EXD3: variants seen among roughly 807,000 people sequenced by gnomAD.
EXD3 encodes exonuclease mut-7 homolog.
Under a neutral mutation model 98.0 loss-of-function variants are expected in EXD3, and 92 were observed. That is an observed-to-expected ratio of 0.94 (90% CI 0.79 to 1.12). The LOEUF is 1.12. Among genes scored for constraint, EXD3 ranks in the 50% most tolerant of loss-of-function variants. The probability of loss-of-function intolerance (pLI) is 0.00; values close to 1 mark genes in which losing one functional copy is unlikely to be tolerated. For synonymous variants in EXD3, 569 were observed against 526.0 expected (o/e 1.08, Z -1.12); for missense variants, 1,222 against 1,191.6 (o/e 1.03, Z -0.38).
At position 137,422,731 on chromosome 9, in the gene EXD3, G is replaced by A. The variant is rs1003241910; in HGVS notation, c.-48+383C>T. ...AGGCGCCCGTCCCTTCTCCCGGGGA[G>A]GGCAGGGCGGGCGCGCGCGCGTCCC... On this transcript the variant is annotated intron_variant, in intron 1 of 21. Coordinates refer to ENST00000340951, the MANE Select transcript of EXD3 (RefSeq NM_017820.5). Among the ~76,000 whole-genome samples, 2 of 152,216 alleles carry A rather than the reference G, an allele frequency of 1.3e-5. 1 individual carries two copies. Among genetic ancestry groups the A allele is most frequent in the South Asian group, 4.1e-4 (2 of 4,836 alleles).
chr9:137,320,547 T>G (rs972799798), intron 19 of EXD3, among the ~76,000 whole-genome samples: 7 of 152,188 alleles, frequency 4.6e-5, no homozygotes, highest in South Asian at 4.1e-4. Context: ...GGTGGCAGAG[T>G]GGCATCAGCA....
At chr9:137,345,223 T>C (rs1420046196) in intron 17 of EXD3, among the ~76,000 whole-genome samples, 1 of 152,282 alleles carries the variant, frequency 6.6e-6, no homozygotes, top group Non-Finnish European at 1.5e-5. Context: ...CCGGAATGCT[T>C]TCTTTCCTTT....
intron 11 of EXD3, 90 bp downstream of exon 11, chr9:137,352,530 G>C (rs1401517108): frequency 4.0e-6 from 5 of 1,256,822 alleles, no homozygotes; most frequent in Non-Finnish European, 5.4e-6. Context: ...TCAAGCCACT[G>C]GCGTGAAGAC....
intron 6 of EXD3, among the ~76,000 whole-genome samples, chr9:137,367,375 C>T (rs908461314): frequency 5.3e-5 from 8 of 152,150 alleles, no homozygotes; most frequent in East Asian, 1.9e-4. Context: ...GGATGCGTCC[C>T]GTCCCCACCT....
intron 17 of EXD3, among the ~76,000 whole-genome samples, chr9:137,328,196 A>G (rs1832590611): frequency 6.9e-6 from 1 of 144,628 alleles, no homozygotes; most frequent in Admixed American, 6.9e-5. Context: ...TGAGTAAAAC[A>G]ATTAATATAC....
chr9:137,402,100 C>T (rs1837502584), intron 1 of EXD3, among the ~76,000 whole-genome samples: 1 of 152,000 alleles, frequency 6.6e-6, no homozygotes, highest in South Asian at 2.1e-4. Flanking sequence ...ACTGCAACCT[C>T]TGCCTTTCTG....
Position 137,373,427 on chromosome 9 carries a change from T to C in EXD3, c.293A>G (p.Gln98Arg), listed in dbSNP as rs773517293. The change falls in exon 4 of 22, where the codon CAG becomes CGG. Residue 98 changes from glutamine (Q) to arginine (R), a missense_variant and splice_region_variant. By Grantham distance (43) the Gln-to-Arg change is conservative (BLOSUM62 1). Coordinates refer to ENST00000340951, the MANE Select transcript of EXD3 (RefSeq NM_017820.5). ...CTGTCACAGAACCCATGGGCTCACC[T>C]GGGCCAGGCTCGGGCATGGCTGTGC... ...LQAQPCPSLA[Q>R]HSLRLKQLQA... The C allele has an allele frequency of 3.1e-6, 5 of 1,606,394 alleles. No homozygotes were observed. The South Asian group carries it at 5.5e-5, about 18-fold the overall frequency.
intron 3 of EXD3, 50 bp downstream of exon 3, chr9:137,383,263 C>A: frequency 6.8e-7 from 1 of 1,466,662 alleles, no homozygotes; most frequent in South Asian, 1.2e-5. Context: ...GCCCAACAGT[C>A]AGTTCTGCTG....
intron 4 of EXD3, 68 bp from the exon 5 acceptor site, chr9:137,373,140 GC>G (rs1835723717): frequency 6.7e-7 from 1 of 1,489,060 alleles, no homozygotes; most frequent in African/African-American, 1.4e-5. Flanking sequence ...GCCGATTGAG[GC>G]AGGCCTGGCT....
chr9:137,387,321 GC>G (rs1836655292), intron 2 of EXD3, among the ~76,000 whole-genome samples: 1 of 152,218 alleles, frequency 6.6e-6, no homozygotes, highest in African/African-American at 2.4e-5. Context: ...TCCAGGGCCA[GC>G]CGTGCACACA....
Position 137,351,110 on chromosome 9 carries a change from C to A in EXD3, c.1422G>T (p.Thr474=), listed in dbSNP as rs370478324. ...CCACATGGGCCAGGGCGGGGCAGGACGTGCCCAGTTTTTGCAGGTCCCCCA... is the reference window on the plus strand; with the variant it reads ...CCACATGGGCCAGGGCGGGGCAGGAAGTGCCCAGTTTTTGCAGGTCCCCCA... ...GMVGDLQKLG[T]SCPALAHVEK... The change falls in exon 14 of 22, where the codon ACG becomes ACT. Residue 474 remains threonine, a synonymous_variant. Coordinates refer to ENST00000340951, the MANE Select transcript of EXD3 (RefSeq NM_017820.5). The A allele has an allele frequency of 1.9e-6, 3 of 1,584,046 alleles. No individual in the cohort carries two copies. Among genetic ancestry groups the A allele is most frequent in the Non-Finnish European group, 2.6e-6 (3 of 1,166,044 alleles).
At chr9:137,319,550 C>T (rs888496219) in intron 19 of EXD3, among the ~76,000 whole-genome samples, 7 of 152,176 alleles carry the variant, frequency 4.6e-5, no homozygotes, top group Non-Finnish European at 8.8e-5. Context: ...TGAGCCTGCC[C>T]AGCCCTAGGA....
At chr9:137,356,108 C>T (rs1370127991) in intron 8 of EXD3, among the ~76,000 whole-genome samples, 160 bp downstream of exon 8, 1 of 152,206 alleles carries the variant, frequency 6.6e-6, no homozygotes, top group Non-Finnish European at 1.5e-5. Context: ...CTCACAGCCA[C>T]TCTGGCACGA....
At chr9:137,368,674 AG>A (rs1588364096) in intron 5 of EXD3, among the ~76,000 whole-genome samples, 1 of 152,354 alleles carries the variant, frequency 6.6e-6, no homozygotes, top group East Asian at 1.9e-4. Flanking sequence ...CGCAGCCCAG[AG>A]AAAGGACCAA....
intron 3 of EXD3, among the ~76,000 whole-genome samples, chr9:137,376,012 T>A (rs766302667): frequency 6.6e-6 from 1 of 152,106 alleles, no homozygotes; most frequent in Non-Finnish European, 1.5e-5. Context: ...CTCTCTTCTC[T>A]TTCCTCCTTT....
intron 1 of EXD3, among the ~76,000 whole-genome samples, chr9:137,402,494 TTC>T (rs1488641066): frequency 6.6e-6 from 1 of 152,208 alleles, no homozygotes; most frequent in East Asian, 1.9e-4. Context: ...TTTGCTTCAG[TTC>T]TCAACAAGTT....
At chr9:137,353,016 G>A in intron 10 of EXD3, 1 of 1,362,588 alleles carries the variant, frequency 7.3e-7, no homozygotes, top group Non-Finnish European at 9.4e-7. Flanking sequence ...CCACCCCAGT[G>A]TAGCCCCGGC....
intron 2 of EXD3, among the ~76,000 whole-genome samples, chr9:137,389,022 G>A (rs1836757601): frequency 6.6e-6 from 1 of 152,156 alleles, no homozygotes; most frequent in Non-Finnish European, 1.5e-5. Flanking sequence ...GTCCTGAGAG[G>A]CCACGCCCAC....
At chr9:137,417,726 C>T (rs898612024) in intron 1 of EXD3, among the ~76,000 whole-genome samples, 2 of 152,114 alleles carry the variant, frequency 1.3e-5, no homozygotes, top group South Asian at 2.1e-4. Context: ...GCGACATCAC[C>T]GACACCACGT....
Sources: gnomAD v4.1 joint callset for allele counts (sites outside exome capture counted in the v4.1 genomes callset) on GRCh38, gnomAD v4.1.1 for gene constraint, MANE v1.5 for transcripts, NCBI Gene and HGNC (gene_info 2026-07-23, HGNC 2026-07-21) for gene names.